ASIC2: variants seen among roughly 807,000 people sequenced by gnomAD.
ASIC2 encodes acid-sensing ion channel 2.
A neutral mutation model predicts 57.3 loss-of-function variants in ASIC2; 25 were observed. That is an observed-to-expected ratio of 0.44 (90% CI 0.32 to 0.61). The LOEUF (loss-of-function observed/expected upper bound fraction) is 0.61. Ranked by LOEUF, ASIC2 falls within the 20% of genes least tolerant of loss-of-function variation. The pLI, the probability that ASIC2 is intolerant of heterozygous loss-of-function variation, is 0.06. For synonymous variants in ASIC2, 319 were observed against 307.5 expected, an observed-to-expected ratio of 1.04 and a Z score of -0.39; for missense variants, 641 against 738.1, an observed-to-expected ratio of 0.87 and a Z score of 1.52.
chr17:33,928,013 T>C lies in ASIC2; in HGVS notation c.555+227965A>G, dbSNP rs574562534. Reference sequence around the variant, plus strand: ...AATTGTGTGCTCATTTGTCATCCTCTAGTGAGTGACAGCAGGCAAACAGTA... The same window carrying C: ...AATTGTGTGCTCATTTGTCATCCTCCAGTGAGTGACAGCAGGCAAACAGTA... On this transcript the variant is annotated intron_variant, in intron 1 of 9. Transcript: ENST00000359872. Among the ~76,000 whole-genome samples, 477 of 152,344 alleles carry C rather than the reference T, an allele frequency of 3.1e-3. 7 individuals carry two copies. Among genetic ancestry groups the C allele is most frequent in the Middle Eastern group, 0.01 (3 of 294 alleles).
intron 1 of ASIC2, among the ~76,000 whole-genome samples, chr17:34,068,194 C>G (rs539086096): frequency 1.3e-5 from 2 of 152,208 alleles, no homozygotes; most frequent in East Asian, 3.9e-4. Flanking sequence ...TTCTTCGACA[C>G]TAAGGTCTTT....
intron 1 of ASIC2, among the ~76,000 whole-genome samples, chr17:33,911,712 T>A (rs1915466394): frequency 6.6e-6 from 1 of 152,228 alleles, no homozygotes; most frequent in African/African-American, 2.4e-5. Flanking sequence ...CTGTTTGCCC[T>A]TGGTGTGTGC....
At chr17:34,050,495 A>C (rs1196344892) in intron 1 of ASIC2, among the ~76,000 whole-genome samples, 1 of 152,236 alleles carries the variant, frequency 6.6e-6, no homozygotes, top group African/African-American at 2.4e-5. Context: ...TCAGAATATC[A>C]GAATCACAGA....
chr17:33,222,531 T>C (rs935216801), intron 1 of ASIC2, among the ~76,000 whole-genome samples: 3 of 152,210 alleles, frequency 2.0e-5, no homozygotes, highest in Non-Finnish European at 2.9e-5. Flanking sequence ...AAACATTGAA[T>C]TGCACACTTT....
At chr17:33,275,906 G>A (rs1904684287) in intron 1 of ASIC2, among the ~76,000 whole-genome samples, 1 of 152,220 alleles carries the variant, frequency 6.6e-6, no homozygotes, top group Non-Finnish European at 1.5e-5. Flanking sequence ...GAATGCATGT[G>A]TGGGGGTGAC....
intron 1 of ASIC2, among the ~76,000 whole-genome samples, chr17:33,778,825 A>T (rs1320168888): frequency 6.6e-6 from 1 of 152,174 alleles, no homozygotes; most frequent in Non-Finnish European, 1.5e-5. Flanking sequence ...ATGAAGTATT[A>T]GTCTCTCTCT....
chr17:33,286,754 C>T (rs1482812765), intron 1 of ASIC2, among the ~76,000 whole-genome samples: 2 of 152,194 alleles, frequency 1.3e-5, no homozygotes, highest in Non-Finnish European at 2.9e-5. Context: ...GGAGCCCACA[C>T]AGCACCTCTG....
In ASIC2 at chr17:33,111,999, C is replaced by T. The variant is rs148618079; in HGVS notation, c.777G>A (p.Thr259=). 43 of 1,613,904 alleles carry T rather than the reference C, an allele frequency of 2.7e-5. No individual in the cohort carries two copies. The highest frequency in any genetic ancestry group is 1.6e-4 in the South Asian group (15 of 91,068). Residue 259 remains threonine (T), a synonymous_variant, in exon 2 of 10, where the codon ACG becomes ACA. Coordinates refer to ENST00000225823, the MANE Select transcript of ASIC2 (RefSeq NM_183377.2). ...GCCCGTTGCCTGTCCCCCCCTTGAC[C>T]GTGGTGAGCAGAGGTTTGCCATCCT... ...SGEDGKPLLT[T]VKGGTGNGLE...
At chr17:33,589,594 C>T (rs1904762752) in intron 1 of ASIC2, among the ~76,000 whole-genome samples, 1 of 152,200 alleles carries the variant, frequency 6.6e-6, no homozygotes, top group Admixed American at 6.5e-5. Flanking sequence ...ACTCTAGACA[C>T]TTCACATAAA....
intron 4 of ASIC2, among the ~76,000 whole-genome samples, chr17:33,027,463 T>G (rs1353159694): frequency 6.6e-6 from 1 of 152,250 alleles, no homozygotes; most frequent in Non-Finnish European, 1.5e-5. Context: ...TCAGCATGAC[T>G]TTTGGTTCCC....
At chr17:33,634,043 G>A (rs1906264340) in intron 1 of ASIC2, among the ~76,000 whole-genome samples, 1 of 152,192 alleles carries the variant, frequency 6.6e-6, no homozygotes, top group African/African-American at 2.4e-5. Context: ...GGTGGGTGCT[G>A]CTAGACCACA....
intron 1 of ASIC2, among the ~76,000 whole-genome samples, chr17:33,173,930 C>T (rs770770513): frequency 1.3e-5 from 2 of 152,176 alleles, no homozygotes; most frequent in South Asian, 4.1e-4. Context: ...ATGAGAGTAG[C>T]CTTTGAAGTG....
chr17:33,155,373 A>G (rs1490287236), intron 1 of ASIC2, among the ~76,000 whole-genome samples: 1 of 152,210 alleles, frequency 6.6e-6, no homozygotes, highest in Non-Finnish European at 1.5e-5. Context: ...GAAACTGAGC[A>G]TCTGTGCAGG....
At chr17:33,191,144 A>G (rs528837838) in intron 1 of ASIC2, among the ~76,000 whole-genome samples, 11 of 152,222 alleles carry the variant, frequency 7.2e-5, no homozygotes, top group Non-Finnish European at 1.3e-4. Context: ...TGTCTCAGCA[A>G]TAAAAAGGAA....
At chr17:33,757,201 A>G (rs894575939) in intron 1 of ASIC2, among the ~76,000 whole-genome samples, 1 of 152,150 alleles carries the variant, frequency 6.6e-6, no homozygotes, top group Non-Finnish European at 1.5e-5. Context: ...GAGGAGTGAG[A>G]TTCTGGAAGA....
At chr17:33,484,809 T>A (rs1472781683) in intron 1 of ASIC2, among the ~76,000 whole-genome samples, 2 of 151,946 alleles carry the variant, frequency 1.3e-5, no homozygotes, top group African/African-American at 2.4e-5. Context: ...CACCCAGGAG[T>A]TACTGCCCCT....
chr17:33,496,574 A>AATT (rs974016360), intron 1 of ASIC2, among the ~76,000 whole-genome samples: 8 of 144,470 alleles, frequency 5.5e-5, no homozygotes, highest in African/African-American at 2.1e-4. Flanking sequence ...AATGGGGGTC[A>AATT]ATTGCAGAAA....
intron 1 of ASIC2, among the ~76,000 whole-genome samples, chr17:33,676,156 G>A (rs1384085181): frequency 1.3e-5 from 2 of 152,192 alleles, no homozygotes; most frequent in African/African-American, 2.4e-5. Context: ...TTTAATTGAT[G>A]ATTGCTGTGT....
Position 33,805,486 on chromosome 17 carries a change from G to C in ASIC2, c.555+350492C>G, listed in dbSNP as rs557413486. On this transcript the variant is annotated intron_variant, in intron 1 of 9. Transcript: ENST00000359872. ...CCAAGAGCCTCACTTCTTCCTCATA[G>C]GGAAATCTTTCTTTGAGATCCCAGA... is the stretch of plus-strand genomic sequence containing the variant. Among the ~76,000 whole-genome samples the C allele has an allele frequency of 1.7e-4, 26 of 152,260 alleles. No individual in the cohort carries two copies. In the East Asian group the frequency reaches 5.0e-3, roughly 29 times the overall value.
Sources: allele counts gnomAD v4.1 joint callset (sites outside exome capture counted in the v4.1 genomes callset), GRCh38; gene constraint gnomAD v4.1.1; transcripts MANE v1.5; gene names NCBI Gene and HGNC (gene_info 2026-07-23, HGNC 2026-07-21).